Variants in DCHS1 observed in about 807,000 individuals in gnomAD.
DCHS1 encodes protocadherin-16.
A neutral mutation model predicts 213.9 loss-of-function variants in DCHS1; 78 were observed. That is an observed-to-expected ratio of 0.36 (90% confidence interval 0.30 to 0.44). The LOEUF (loss-of-function observed/expected upper bound fraction) is 0.44. Among genes scored for constraint, DCHS1 ranks in the 20% least tolerant of loss-of-function variants. DCHS1 has a pLI of 1.00. For synonymous variants in DCHS1, 1,828 were observed against 1,873.7 expected (o/e 0.98, Z 0.63); for missense variants, 3,946 against 4,395.9 (o/e 0.90, Z 2.89).
chr11:6,634,150 T>C lies in DCHS1; in HGVS notation c.1954A>G (p.Ser652Gly), dbSNP rs538709681. The change falls in exon 3 of 21, where the codon AGC (serine) becomes GGC (glycine). Residue 652 changes from serine (S) to glycine (G), a missense_variant. Around this residue, in one of 3 missense-constraint regions of DCHS1, gnomAD observed 3,384 missense variants for 3,780.1 expected, o/e 0.90. Coordinates refer to ENST00000299441, the MANE Select transcript of DCHS1 (RefSeq NM_003737.4). Reference sequence around the variant, plus strand: ...ACAGCTGTCACTGTGAAGTCAAAGCTTGAGGGCCCCTGGTCACGGTCCAGG... The same window carrying C: ...ACAGCTGTCACTGTGAAGTCAAAGCCTGAGGGCCCCTGGTCACGGTCCAGG... Reference protein sequence around the residue: ...RTLDRDQGPSSFDFTVTAVDG... With the variant: ...RTLDRDQGPSGFDFTVTAVDG... The C allele has an allele frequency of 4.7e-5, 76 of 1,608,884 alleles. No homozygotes were observed. In the South Asian group the frequency reaches 8.2e-4, roughly 17 times the overall value.
chr11:6,639,880 G>A lies in DCHS1; in HGVS notation c.1734C>T (p.Phe578=), dbSNP rs1856039466. The change falls in exon 2 of 21, where the codon TTC becomes TTT. Residue 578 remains phenylalanine (F), a synonymous_variant. Transcript: ENST00000299441. ...LQDVNDNEPQ[F]QRTFYNASLP... ...GTGAGGCATTGTAGAAAGTCCTCTG[G>A]AATTGGGGCTCATTATCATTCACAT... The A allele has an allele frequency of 6.2e-7, 1 of 1,613,750 alleles. No individual in the cohort carries two copies. The highest frequency in any genetic ancestry group is 2.2e-5 in the East Asian group (1 of 44,876).
intron 9 of DCHS1, 65 bp downstream of exon 9, chr11:6,630,988 C>T: frequency 6.5e-7 from 1 of 1,539,302 alleles, no homozygotes; most frequent in Non-Finnish European, 8.8e-7. Context: ...CAAAGGATTC[C>T]CGTGAAGCTG....
Position 6,624,276 on chromosome 11 carries a change from G to C in DCHS1, c.7400C>G (p.Thr2467Arg). The C allele has an allele frequency of 6.2e-7, 1 of 1,606,628 alleles. No individual in the cohort carries two copies. Among genetic ancestry groups the C allele is most frequent in the South Asian group, 1.1e-5 (1 of 90,100 alleles). ...CTGGTCCTGCAGCTGCACGTGCACTGTGGCTCGTGCTGCCCGGCCTGGAGC... is the reference window on the plus strand; with the variant it reads ...CTGGTCCTGCAGCTGCACGTGCACTCTGGCTCGTGCTGCCCGGCCTGGAGC... ...HGAPGRAARA[T>R]VHVQLQDQND... The change falls in exon 21 of 21, where the codon ACA becomes AGA. Residue 2467 changes from threonine to arginine, a missense_variant. Physicochemically the swap from Thr to Arg is moderately conservative, Grantham distance 71. Around this residue, in one of 3 missense-constraint regions of DCHS1, gnomAD observed 3,384 missense variants for 3,780.1 expected, o/e 0.90. Transcript: ENST00000299441.
rs767271909 is a variant in DCHS1, at chr11:6,633,534, A to T, written c.2333T>A (p.Ile778Asn). The T allele has an allele frequency of 6.3e-7, 1 of 1,587,686 alleles. No homozygotes were observed. The highest frequency in any genetic ancestry group is 8.6e-7 in the Non-Finnish European group (1 of 1,166,778). The change falls in exon 5 of 21, where the codon ATC becomes AAC. Residue 778 changes from isoleucine to asparagine, a missense_variant. By Grantham distance (149) the Ile-to-Asn change is moderately radical. Coordinates refer to ENST00000299441, the MANE Select transcript of DCHS1 (RefSeq NM_003737.4). ...TGTGGGGGTTCCAGGCACAATGCTG[A>T]TGTCCACTCGGGCACTGGGTTCTGC... The part of the protein sequence containing the change: ...LQAEPSARVD[I>N]SIVPGTPTPP...
chr11:6,626,350 A>G lies in DCHS1; in HGVS notation c.6395T>C (p.Leu2132Pro). ...CAGCCGTGGACTCACCTCGAAGTCT[A>G]GCCCCTCTGCTGAGCGAACTGTGAT... ...GAITVRSAEG[L>P]DFEVSPRLRL... The change falls in exon 16 of 21, where the codon CTA (leucine) becomes CCA (proline). Residue 2132 changes from leucine to proline, a missense_variant. Transcript: ENST00000299441. The surrounding 1 kb of genome is among the most constrained non-coding windows in gnomAD (Gnocchi z 5.2). 1 of 1,613,660 alleles carries G rather than the reference A, an allele frequency of 6.2e-7. No individual in the cohort carries two copies. Among genetic ancestry groups the G allele is most frequent in the Non-Finnish European group, 8.5e-7 (1 of 1,179,766 alleles).
In DCHS1 at chr11:6,622,061, G is replaced by C; in HGVS notation, c.9615C>G (p.Ile3205Met). The C allele has an allele frequency of 6.2e-7, 1 of 1,612,324 alleles. No individual in the cohort carries two copies. The highest frequency in any genetic ancestry group is 2.2e-5 in the East Asian group (1 of 44,848). ...TGGCTCCTGGGTGGGCCACGGCAGT[G>C]ATGAGGGGTGGTGGGTCGATACGGG... ...PAPRIDPPPL[I>M]TAVAHPGAKS... is the part of the protein sequence containing the mutation. The change falls in exon 21 of 21, where the codon ATC becomes ATG. Residue 3205 changes from isoleucine to methionine, a missense_variant. By Grantham distance (10) the Ile-to-Met change is conservative. Transcript: ENST00000299441. The surrounding 1 kb of genome is among the most constrained non-coding windows in gnomAD (Gnocchi z 5.4).
chr11:6,630,079 G>A lies in DCHS1; in HGVS notation c.4715C>T (p.Pro1572Leu), dbSNP rs776369271. Residue 1572 changes from proline to leucine, a missense_variant, in exon 10 of 21, where the codon CCG becomes CTG. Physicochemically the swap from Pro to Leu is moderately conservative, Grantham distance 98. Transcript: ENST00000299441. ...PAALHVVARDPDLGEAARVSY... is the reference protein window; with the variant it reads ...PAALHVVARDLDLGEAARVSY... ...CACGCGTGCAGCCTCGCCCAGATCC[G>A]GGTCCCGGGCTACCACGTGCAGGGC... is the stretch of plus-strand genomic sequence containing the variant. The A allele has an allele frequency of 2.2e-5, 35 of 1,586,754 alleles. No individual in the cohort carries two copies. The highest frequency in any genetic ancestry group is 7.1e-5 in the Admixed American group (4 of 56,674).
At chr11:6,633,214 C>T (rs374824065) in intron 5 of DCHS1, among the ~76,000 whole-genome samples, 158 bp from the exon 6 acceptor site, 18 of 152,168 alleles carry the variant, frequency 1.2e-4, no homozygotes, top group African/African-American at 3.9e-4. Context: ...TTGGTTGGCA[C>T]GCACTGAGGT....
rs1855925630 is a variant in DCHS1, at chr11:6,632,449, T to G, written c.3063A>C (p.Gln1021His). 6.2e-7 allele frequency: 1 copy of G among 1,600,434 alleles called. No individual in the cohort carries two copies. The part of the protein sequence containing the change: ...SGTTAGTQVL[Q>H]VQAQAPDGGP... ...CCCCATCTGGTGCTTGGGCCTGCAC[T>G]TGCAGGACCTGAGTTCCAGCAGTGG... The change falls in exon 6 of 21, where the codon CAA becomes CAC. Residue 1021 changes from glutamine to histidine, a missense_variant. Physicochemically the swap from Gln to His is conservative, Grantham distance 24. Coordinates refer to ENST00000299441, the MANE Select transcript of DCHS1 (RefSeq NM_003737.4). This position sits in a 1 kb window ranked among gnomAD's most constrained non-coding sequence, Gnocchi z 5.9.
intron 2 of DCHS1, among the ~76,000 whole-genome samples, chr11:6,636,649 T>C (rs1056836873): frequency 2.0e-5 from 3 of 152,198 alleles, no homozygotes; most frequent in African/African-American, 7.2e-5. Context: ...TCTCCTGCTA[T>C]GACTTCTTGA....
intron 1 of DCHS1, among the ~76,000 whole-genome samples, chr11:6,644,590 C>T (rs1245669101): frequency 3.5e-4 from 53 of 152,210 alleles, no homozygotes; most frequent in Non-Finnish European, 1.5e-5. Flanking sequence ...ATGTGTCTGC[C>T]CTCTGCACTG....
In DCHS1 at chr11:6,628,489, T is replaced by A. The variant is rs1296865518; in HGVS notation, c.5371+132A>T. 2 of 944,564 alleles carry A rather than the reference T, an allele frequency of 2.1e-6. No homozygotes were observed. Among genetic ancestry groups the A allele is most frequent in the Non-Finnish European group, 3.3e-6 (2 of 609,384 alleles). The allele number at this position is 944,564 out of a possible 1,614,324, so 58.5% of individuals were successfully genotyped here. On this transcript the variant is annotated intron_variant, in intron 13 of 20. Transcript: ENST00000299441. This position sits in a 1 kb window ranked among gnomAD's most constrained non-coding sequence, Gnocchi z 4.3. ...TACCTAGCTACACTGGGTATAAGCATGAAAGAAAAGGTGGACGACATCAAG... is the reference window on the plus strand; with the variant it reads ...TACCTAGCTACACTGGGTATAAGCAAGAAAGAAAAGGTGGACGACATCAAG...
intron 12 of DCHS1, 72 bp downstream of exon 12, chr11:6,629,380 G>C: frequency 4.5e-6 from 7 of 1,557,364 alleles, no homozygotes; most frequent in East Asian, 4.6e-5. Flanking sequence ...GTAGTACTTT[G>C]GGTATTCTAT....
In DCHS1 at chr11:6,628,026, ATGTAT is replaced by A. The variant is rs58501654; in HGVS notation, c.5372-364_5372-360del. Among the ~76,000 whole-genome samples the A allele has an allele frequency of 0.33, 50,032 of 151,770 alleles. 8,606 individuals are homozygous for A. The highest frequency in any genetic ancestry group is 0.44 in the East Asian group (2,266 of 5,132). On this transcript the variant is annotated intron_variant, in intron 13 of 20. Transcript: ENST00000299441. The surrounding 1 kb of genome is among the most constrained non-coding windows in gnomAD (Gnocchi z 4.3). Reference sequence around the variant, plus strand: ...GTCTTGGTTAAGGGAATGTGTGCTTATGTATTCCTGTGTGTTCTAGAATATTCTAG... The same window carrying A: ...GTCTTGGTTAAGGGAATGTGTGCTTATCCTGTGTGTTCTAGAATATTCTAG...
chr11:6,627,977 T>G lies in DCHS1; in HGVS notation c.5372-310A>C, dbSNP rs950508378. ...ACAGATGTACAGTAGAATTTACAGATGCTCTATGACGTGATGATATAATGT... is the reference window on the plus strand; with the variant it reads ...ACAGATGTACAGTAGAATTTACAGAGGCTCTATGACGTGATGATATAATGT... On this transcript the variant is annotated intron_variant, in intron 13 of 20. Transcript: ENST00000299441. This position sits in a 1 kb window ranked among gnomAD's most constrained non-coding sequence, Gnocchi z 5.4. Among the ~76,000 whole-genome samples the G allele has an allele frequency of 2.6e-5, 4 of 152,152 alleles. No homozygotes were observed. Among genetic ancestry groups the G allele is most frequent in the Admixed American group, 6.5e-5 (1 of 15,268 alleles).
At position 6,625,980 on chromosome 11, in the gene DCHS1, G is replaced by T; in HGVS notation, c.6671C>A (p.Pro2224Gln). 6.2e-7 allele frequency: 1 copy of T among 1,613,504 alleles called. No homozygotes were observed. The highest frequency in any genetic ancestry group is 1.1e-5 in the South Asian group (1 of 90,918). Residue 2224 changes from proline (P) to glutamine (Q), a missense_variant, in exon 17 of 21, where the codon CCA (proline) becomes CAA (glutamine). Physicochemically the swap from Pro to Gln is moderately conservative, Grantham distance 76 (BLOSUM62 -1). Around this residue, in one of 3 missense-constraint regions of DCHS1, gnomAD observed 3,384 missense variants for 3,780.1 expected, o/e 0.90. Transcript: ENST00000299441. This position sits in a 1 kb window ranked among gnomAD's most constrained non-coding sequence, Gnocchi z 5.3. ...TGTGGTAGTGATAGTGCCTGTGGTTGGGTCTACGTGGAACAATCCACGTGC... is the reference window on the plus strand; with the variant it reads ...TGTGGTAGTGATAGTGCCTGTGGTTTGGTCTACGTGGAACAATCCACGTGC... ...QPARGLFHVD[P>Q]TTGTITTTAI...
At chr11:6,648,294 A>T (rs2134656523) in intron 1 of DCHS1, among the ~76,000 whole-genome samples, 1 of 152,340 alleles carries the variant, frequency 6.6e-6, no homozygotes, top group East Asian at 1.9e-4. Context: ...TACATTAAGC[A>T]GTAGGTTGAA....
rs950512518 is a variant in DCHS1, at chr11:6,641,621, G to A, written c.-8C>T. 13 of 1,536,422 alleles carry A rather than the reference G, an allele frequency of 8.5e-6. No individual in the cohort carries two copies. The highest frequency in any genetic ancestry group is 2.5e-5 in the East Asian group (1 of 40,684). On this transcript the variant is annotated 5_prime_UTR_variant, in exon 2 of 21. Transcript: ENST00000299441. The surrounding 1 kb of genome is among the most constrained non-coding windows in gnomAD (Gnocchi z 7.1). Reference sequence around the variant, plus strand: ...GCCCAGCTCCTTCTGCATGACAAGGGTAGTCCAGCTGTGCCTTGGGCTCCA... The same window carrying A: ...GCCCAGCTCCTTCTGCATGACAAGGATAGTCCAGCTGTGCCTTGGGCTCCA...
intron 1 of DCHS1, among the ~76,000 whole-genome samples, chr11:6,645,558 T>C (rs1288641462): frequency 6.6e-6 from 1 of 152,234 alleles, no homozygotes; most frequent in Non-Finnish European, 1.5e-5. Context: ...GTATGTAGCA[T>C]GGAGCACAGC....
Sources: allele counts gnomAD v4.1 joint callset (sites outside exome capture counted in the v4.1 genomes callset), GRCh38; gene constraint gnomAD v4.1.1; regional missense constraint gnomAD v4.1.1; non-coding constraint Gnocchi (gnomAD v3.1); transcripts MANE v1.5; gene names NCBI Gene and HGNC (gene_info 2026-07-23, HGNC 2026-07-21).